The following B4GALT5 variants were observed in gnomAD, a reference collection of about 807,000 sequenced individuals.
The protein encoded by B4GALT5 is beta-1,4-galactosyltransferase 5.
In B4GALT5, 11 loss-of-function variants were observed where a neutral mutation model predicts 45.0. That is an observed-to-expected ratio of 0.24 (90% CI 0.15 to 0.40). B4GALT5 has a LOEUF of 0.40. B4GALT5 is among the 10% of genes least tolerant of loss of function. The pLI, the probability that B4GALT5 is intolerant of heterozygous loss-of-function variation, is 1.00. For missense variants in B4GALT5, 337 were observed against 500.2 expected, an observed-to-expected ratio of 0.67 and a Z score of 3.11; for synonymous variants, 185 against 182.9, an observed-to-expected ratio of 1.01 and a Z score of -0.09.
At chr20:49,650,092 C>T (rs1219742929) in intron 2 of B4GALT5, among the ~76,000 whole-genome samples, 1 of 152,148 alleles carries the variant, frequency 6.6e-6, no homozygotes, top group Non-Finnish European at 1.5e-5. Context: ...AATGATTCTA[C>T]TATTTGGAGT....
rs771286166 is a variant in B4GALT5, at chr20:49,633,681, A to T, written c.*2631T>A. Reference sequence around the variant, plus strand: ...TCTCAAATCAGCATTTTCTAAAGTCAGGTGTTAGCCTTTTGCCAACAGTGT... The same window carrying T: ...TCTCAAATCAGCATTTTCTAAAGTCTGGTGTTAGCCTTTTGCCAACAGTGT... On this transcript the variant is annotated 3_prime_UTR_variant, in exon 9 of 9. Coordinates refer to ENST00000371711, the MANE Select transcript of B4GALT5 (RefSeq NM_004776.4). 6.6e-6 allele frequency: 1 copy of T among 152,240 alleles called. No individual in the cohort carries two copies. Among genetic ancestry groups the T allele is most frequent in the Non-Finnish European group, 1.5e-5 (1 of 68,040 alleles). The allele number at this position is 152,240 out of a possible 1,614,324, so 9.4% of individuals were successfully genotyped here.
chr20:49,636,219 T>G lies in B4GALT5; in HGVS notation c.*93A>C, dbSNP rs1297305701. On this transcript the variant is annotated 3_prime_UTR_variant, in exon 9 of 9. Coordinates refer to ENST00000371711, the MANE Select transcript of B4GALT5 (RefSeq NM_004776.4). Reference sequence around the variant, plus strand: ...TTCATGAGACACAGTATTTCTGTTCTCTTGCTGTGTAGACCCTCCCCCCTC... The same window carrying G: ...TTCATGAGACACAGTATTTCTGTTCGCTTGCTGTGTAGACCCTCCCCCCTC... 6.9e-7 allele frequency: 1 copy of G among 1,451,206 alleles called. No homozygotes were observed. Among genetic ancestry groups the G allele is most frequent in the Non-Finnish European group, 9.5e-7 (1 of 1,057,102 alleles). 89.9% of individuals were successfully genotyped at this position (1,451,206 alleles called of 1,614,324 possible).
intron 1 of B4GALT5, among the ~76,000 whole-genome samples, chr20:49,674,289 A>G (rs1296600446): frequency 1.3e-5 from 2 of 151,884 alleles, no homozygotes; most frequent in Admixed American, 6.6e-5. Context: ...TAGATTGCCA[A>G]CTAAACCTAA....
chr20:49,687,679 A>G (rs1245110531), intron 1 of B4GALT5, among the ~76,000 whole-genome samples: 1 of 151,970 alleles, frequency 6.6e-6, no homozygotes, highest in Non-Finnish European at 1.5e-5. Flanking sequence ...ATAAACAGAT[A>G]ATTTATTTTC....
At chr20:49,705,316 C>CA (rs1180029308) in intron 1 of B4GALT5, among the ~76,000 whole-genome samples, 3 of 151,822 alleles carry the variant, frequency 2.0e-5, no homozygotes, top group South Asian at 4.2e-4. Context: ...AAAAATGGTC[C>CA]AAAAAAAGGA....
intron 1 of B4GALT5, among the ~76,000 whole-genome samples, chr20:49,700,578 G>A (rs762872754): frequency 6.6e-6 from 1 of 152,188 alleles, no homozygotes; most frequent in African/African-American, 2.4e-5. Flanking sequence ...GGGATTACAG[G>A]CATGAGCCAC....
At chr20:49,687,063 C>T (rs2085789142) in intron 1 of B4GALT5, among the ~76,000 whole-genome samples, 2 of 152,148 alleles carry the variant, frequency 1.3e-5, no homozygotes, top group Admixed American at 1.3e-4. Context: ...GCTTTTGCTT[C>T]CCAGGGGACA....
At chr20:49,643,921 G>GTTTT (rs1420292087) in intron 3 of B4GALT5, among the ~76,000 whole-genome samples, 2 of 115,750 alleles carry the variant, frequency 1.7e-5, no homozygotes, top group East Asian at 2.7e-4. Flanking sequence ...CAGTAGCTGA[G>GTTTT]CTTTTTTTTT....
chr20:49,667,258 GT>G (rs2085695162), intron 1 of B4GALT5, among the ~76,000 whole-genome samples: 1 of 144,360 alleles, frequency 6.9e-6, no homozygotes. Context: ...TTGTGTTGTT[GT>G]TGTTTTTTTT....
At chr20:49,704,945 G>A (rs1181587077) in intron 1 of B4GALT5, among the ~76,000 whole-genome samples, 1 of 151,894 alleles carries the variant, frequency 6.6e-6, no homozygotes, top group African/African-American at 2.4e-5. Context: ...CACCTGCAAA[G>A]GCAGAGGAAC....
intron 1 of B4GALT5, among the ~76,000 whole-genome samples, chr20:49,671,820 G>A (rs2085717204): frequency 6.6e-6 from 1 of 150,652 alleles, no homozygotes; most frequent in South Asian, 2.1e-4. Flanking sequence ...CTTTAGGAAT[G>A]CTGCCTTTGG....
At chr20:49,695,800 T>C (rs578124591) in intron 1 of B4GALT5, among the ~76,000 whole-genome samples, 6 of 152,094 alleles carry the variant, frequency 3.9e-5, no homozygotes, top group Non-Finnish European at 8.8e-5. Context: ...ATTAATGATA[T>C]TCCCATTCTG....
At chr20:49,636,907 GACACACAC>G (rs5841760) in intron 8 of B4GALT5, among the ~76,000 whole-genome samples, 5 of 146,386 alleles carry the variant, frequency 3.4e-5, no homozygotes, top group East Asian at 2.0e-4. Flanking sequence ...ATTTAGAAAA[GACACACAC>G]ACACACACAC....
At chr20:49,662,594 T>TC (rs1478869054) in intron 1 of B4GALT5, among the ~76,000 whole-genome samples, 2 of 152,198 alleles carry the variant, frequency 1.3e-5, no homozygotes, top group African/African-American at 4.8e-5. Context: ...ATTAGCCCCC[T>TC]CCTCCTTTCT....
chr20:49,683,494 A>G (rs147647648), intron 1 of B4GALT5, among the ~76,000 whole-genome samples: 1 of 150,146 alleles, frequency 6.7e-6, no homozygotes, highest in East Asian at 2.0e-4. Context: ...CCTGGGTTCA[A>G]GCGATTCTCA....
intron 7 of B4GALT5, among the ~76,000 whole-genome samples, chr20:49,638,855 C>A (rs2085564533): frequency 6.6e-6 from 1 of 152,056 alleles, no homozygotes; most frequent in Admixed American, 6.5e-5. Context: ...TAAATATACA[C>A]CAGGAAATAG....
intron 1 of B4GALT5, among the ~76,000 whole-genome samples, chr20:49,700,004 C>T (rs1160995773): frequency 6.6e-6 from 1 of 152,110 alleles, no homozygotes; most frequent in Non-Finnish European, 1.5e-5. Flanking sequence ...TCCTCCGCTG[C>T]CCCCCACCCT....
chr20:49,662,243 A>G (rs1207948937), intron 1 of B4GALT5, among the ~76,000 whole-genome samples: 4 of 152,184 alleles, frequency 2.6e-5, no homozygotes, highest in African/African-American at 9.7e-5. Context: ...TACAATCTGT[A>G]TCTCACCCCC....
rs182477604 is a variant in B4GALT5, at chr20:49,676,069, C to T, written c.116-19367G>A. 1.2e-3 allele frequency among the ~76,000 whole-genome samples: 174 copies of T among 143,388 alleles called. 2 individuals carry two copies. In the East Asian group the frequency reaches 0.022, roughly 18 times the overall value. 94.1% of individuals were successfully genotyped at this position (143,388 alleles called of 152,430 possible). On this transcript the variant is annotated intron_variant, in intron 1 of 8. Coordinates refer to ENST00000371711, the MANE Select transcript of B4GALT5 (RefSeq NM_004776.4). ...CCCCCCAGACAAAGCTTGGCATTTT[C>T]GGAATCCCTACTCATAAAGTGACTC...
Sources: allele counts gnomAD v4.1 joint callset (sites outside exome capture counted in the v4.1 genomes callset), GRCh38; gene constraint gnomAD v4.1.1; transcripts MANE v1.5; gene names NCBI Gene and HGNC (gene_info 2026-07-23, HGNC 2026-07-21).